Variants in PURG observed in about 807,000 individuals in gnomAD.
The protein encoded by PURG is purine-rich element-binding protein gamma.
In PURG, 3 loss-of-function variants were observed where a neutral mutation model predicts 24.3. That is an observed-to-expected ratio of 0.12 (90% CI 0.06 to 0.32). The LOEUF (loss-of-function observed/expected upper bound fraction) is 0.32, where lower values mean the gene tolerates loss of function less well. Ranked by LOEUF, PURG falls within the 10% of genes least tolerant of loss-of-function variation. The probability of loss-of-function intolerance (pLI) is 1.00; values close to 1 mark genes in which losing one functional copy is unlikely to be tolerated. For synonymous variants in PURG, 180 were observed against 173.1 expected, an observed-to-expected ratio of 1.04 and a Z score of -0.31; for missense variants, 371 against 439.1, an observed-to-expected ratio of 0.84 and a Z score of 1.39.
At chr8:31,018,920 G>A (rs1203775718) in intron 1 of PURG, among the ~76,000 whole-genome samples, 3 of 151,030 alleles carry the variant, frequency 2.0e-5, no homozygotes, top group Non-Finnish European at 2.9e-5. Context: ...GAGGTCAGGA[G>A]ATCGAGACCA....
intron 1 of PURG, among the ~76,000 whole-genome samples, chr8:31,000,542 T>A (rs925057490): frequency 1.3e-5 from 2 of 152,128 alleles, no homozygotes; most frequent in African/African-American, 4.8e-5. Context: ...AGATTACGAT[T>A]CTCTGTGACA....
chr8:31,018,564 A>G (rs894123026), intron 1 of PURG, among the ~76,000 whole-genome samples: 1 of 152,222 alleles, frequency 6.6e-6, no homozygotes, highest in Admixed American at 6.5e-5. Context: ...TTTATCTTGT[A>G]GCCATAATGC....
intron 1 of PURG, among the ~76,000 whole-genome samples, chr8:31,008,548 C>T (rs1275299763): frequency 6.6e-6 from 1 of 152,148 alleles, no homozygotes; most frequent in East Asian, 1.9e-4. Flanking sequence ...AAGTGAGGCC[C>T]ACCAAGGCCT....
At chr8:31,004,372 A>G (rs191272008) in intron 1 of PURG, among the ~76,000 whole-genome samples, 166 of 152,326 alleles carry the variant, frequency 1.1e-3, no homozygotes, top group Admixed American at 3.3e-3. Flanking sequence ...CATCCTTTCC[A>G]GCACGTTTTG....
intron 1 of PURG, among the ~76,000 whole-genome samples, chr8:31,008,492 T>C (rs2129791519): frequency 6.6e-6 from 1 of 152,250 alleles, no homozygotes; most frequent in South Asian, 2.1e-4. Context: ...TTAGTAAAGA[T>C]GGGGTTTCAC....
At chr8:30,996,727 C>A (rs200552025) in intron 1 of PURG, 20 of 1,537,518 alleles carry the variant, frequency 1.3e-5, no homozygotes, top group Admixed American at 3.4e-5. Context: ...TTGAATTTAG[C>A]AAACATGAAG....
downstream of PURG, among the ~76,000 whole-genome samples, chr8:31,026,022 T>C (rs1811081992): frequency 6.6e-6 from 1 of 151,908 alleles, no homozygotes; most frequent in Non-Finnish European, 1.5e-5. Flanking sequence ...TTGGATTTGA[T>C]GAGGTTGCTA....
intron 1 of PURG, among the ~76,000 whole-genome samples, chr8:30,998,726 G>A (rs937533697): frequency 2.0e-5 from 3 of 151,716 alleles, no homozygotes; most frequent in African/African-American, 4.8e-5. Flanking sequence ...AGTTTATGGC[G>A]TAATATACAG....
intron 1 of PURG, among the ~76,000 whole-genome samples, chr8:31,019,637 T>C (rs1345942836): frequency 2.0e-5 from 3 of 150,838 alleles, no homozygotes; most frequent in Non-Finnish European, 4.4e-5. Context: ...CCAGCCAATA[T>C]CTCTTTTTTC....
chr8:31,033,290 G>C lies in PURG; in HGVS notation c.-219C>G, dbSNP rs1417112870. 6.2e-6 allele frequency: 1 copy of C among 160,850 alleles called. No homozygotes were observed. The highest frequency in any genetic ancestry group is 2.4e-5 in the African/African-American group (1 of 41,360). 10.0% of individuals were successfully genotyped at this position (160,850 alleles called of 1,614,324 possible). A position where few individuals can be genotyped will look rare whatever the true frequency, so the allele number is the denominator to read the frequency against. On this transcript the variant is annotated 5_prime_UTR_variant, in exon 1 of 2. Transcript: ENST00000523392. The stretch of plus-strand genomic sequence containing the variant: ...CCGCCCCTCCTGCGGCCGCTGCGGG[G>C]GCCGCCGCCTGACTTCGGACACCGG...
rs548686497 is a variant in PURG at position 31,004,493 on chromosome 8, C to T, written c.865-7796G>A. Reference sequence around the variant, plus strand: ...GGTGGATCACTTGAGGTCAGGAGTTCGAGACCAGCCTGGCTAACATGGTGA... The same window carrying T: ...GGTGGATCACTTGAGGTCAGGAGTTTGAGACCAGCCTGGCTAACATGGTGA... On this transcript the variant is annotated intron_variant, in intron 1 of 1. Transcript: ENST00000339382. Among the ~76,000 whole-genome samples the T allele has an allele frequency of 1.1e-3, 173 of 152,142 alleles. 1 individual carries two copies. Among genetic ancestry groups the T allele is most frequent in the African/African-American group, 3.8e-3 (159 of 41,528 alleles).
chr8:31,005,601 T>C (rs996359170), intron 1 of PURG, among the ~76,000 whole-genome samples: 16 of 152,066 alleles, frequency 1.1e-4, no homozygotes, highest in African/African-American at 3.9e-4. Flanking sequence ...ACATGGGAAC[T>C]TTCTGGGGTG....
chr8:31,029,299 T>C (rs1811145111), downstream of PURG, among the ~76,000 whole-genome samples: 1 of 151,828 alleles, frequency 6.6e-6, no homozygotes, highest in Admixed American at 6.6e-5. Context: ...ATGCATCTAT[T>C]TAATCTGCAG....
In PURG at chr8:31,031,839, A is replaced by G; in HGVS notation, c.944T>C (p.Ile315Thr). 1 of 1,593,476 alleles carries G rather than the reference A, an allele frequency of 6.3e-7. No individual in the cohort carries two copies. Among genetic ancestry groups the G allele is most frequent in the Non-Finnish European group, 8.6e-7 (1 of 1,168,832 alleles). The change falls in exon 2 of 2, where the codon ATC (isoleucine) becomes ACC (threonine). Residue 315 changes from isoleucine (I) to threonine (T), a missense_variant. Physicochemically the swap from Ile to Thr is moderately conservative, Grantham distance 89. Coordinates refer to ENST00000523392, the MANE Select transcript of PURG (RefSeq NM_001323311.2). The part of the protein sequence containing the change: ...KAWTRFGENF[I>T]KYEEEMRKIC... ...TTTCCTCATCTCTTCTTCATACTTG[A>G]TAAAATTCTCCCCAAACCTTGTCCA...
At chr8:31,030,797 G>A (rs762830054), downstream of PURG, 1 of 151,842 alleles carries the variant, frequency 6.6e-6, no homozygotes, top group Non-Finnish European at 1.5e-5. Context: ...CAGTTAATTG[G>A]TACACCAACC....
chr8:30,999,599 T>C (rs1810496318), intron 1 of PURG, among the ~76,000 whole-genome samples: 1 of 151,930 alleles, frequency 6.6e-6, no homozygotes, highest in Non-Finnish European at 1.5e-5. Context: ...TAGAAAAAAA[T>C]AAAGTGGCAT....
chr8:31,009,822 A>G (rs1483941233), intron 1 of PURG, among the ~76,000 whole-genome samples: 3 of 152,188 alleles, frequency 2.0e-5, no homozygotes, highest in Non-Finnish European at 4.4e-5. Flanking sequence ...TTCCTTTCAA[A>G]CAGGTTTCTG....
At chr8:31,007,921 A>C (rs565574510) in intron 1 of PURG, among the ~76,000 whole-genome samples, 1 of 152,300 alleles carries the variant, frequency 6.6e-6, no homozygotes, top group South Asian at 2.1e-4. Flanking sequence ...TGGATAGTTT[A>C]TTCATTTTCT....
downstream of PURG, among the ~76,000 whole-genome samples, chr8:31,029,915 T>C (rs1442791361): frequency 6.6e-6 from 1 of 151,846 alleles, no homozygotes; most frequent in Non-Finnish European, 1.5e-5. Flanking sequence ...ACTAACATTA[T>C]CTCCTAACCT....
Sources: allele counts gnomAD v4.1 joint callset (sites outside exome capture counted in the v4.1 genomes callset), GRCh38; gene constraint gnomAD v4.1.1; transcripts MANE v1.5; gene names NCBI Gene and HGNC (gene_info 2026-07-23, HGNC 2026-07-21).